The following UGT1A8 variants were observed in gnomAD, a reference collection of about 807,000 sequenced individuals.
The protein encoded by UGT1A8 is UDP-glucuronosyltransferase 1A8.
Under a neutral mutation model 45.3 loss-of-function variants are expected in UGT1A8, and 39 were observed. The observed-to-expected ratio is 0.86, with a 90% CI of 0.67 to 1.12. UGT1A8 has a LOEUF of 1.12. Ranked by LOEUF, UGT1A8 falls within the 50% of genes most tolerant of loss-of-function variation. The pLI is 0.00. For missense variants in UGT1A8, 719 were observed against 664.9 expected (o/e 1.08, Z -0.90); for synonymous variants, 275 against 249.2 (o/e 1.10, Z -0.97).
chr2:233,709,539 A>G (rs537926734), intron 1 of UGT1A8, among the ~76,000 whole-genome samples: 8 of 152,276 alleles, frequency 5.3e-5, no homozygotes, highest in Non-Finnish European at 5.9e-5. Flanking sequence ...CTACTGTGAT[A>G]TATGTAAGTA....
intron 1 of UGT1A8, chr2:233,748,124 G>C (rs1575688214): frequency 9.9e-6 from 16 of 1,610,630 alleles, no homozygotes; most frequent in Non-Finnish European, 1.3e-5. Flanking sequence ...AGGCAAAACA[G>C]TTTTTAAAAA....
rs542150234 is a variant in UGT1A8, at chr2:233,704,820, A to T, written c.856-62214A>T. ...ATTATATATATGTATATTGCTTTTT[A>T]GGATTGCTTTTAAAATCAGTTAAGA... On this transcript the variant is annotated intron_variant, in intron 1 of 4. Coordinates refer to ENST00000373450, the MANE Select transcript of UGT1A8 (RefSeq NM_019076.5). 2.6e-4 allele frequency among the ~76,000 whole-genome samples: 39 copies of T among 152,234 alleles called. 1 individual carries two copies. The South Asian group carries it at 8.1e-3, about 32-fold the overall frequency.
chr2:233,644,939 T>G (rs1040026267), intron 1 of UGT1A8, among the ~76,000 whole-genome samples: 6 of 152,162 alleles, frequency 3.9e-5, no homozygotes, highest in Non-Finnish European at 7.4e-5. Flanking sequence ...GACAATCCTT[T>G]ACATAGAAAA....
chr2:233,674,819 G>A (rs1305912278), intron 1 of UGT1A8, among the ~76,000 whole-genome samples: 1 of 152,158 alleles, frequency 6.6e-6, no homozygotes, highest in African/African-American at 2.4e-5. Context: ...AGGCTTTCCG[G>A]CAAAGAGCCT....
intron 1 of UGT1A8, among the ~76,000 whole-genome samples, chr2:233,619,970 A>G (rs894708286): frequency 5.9e-5 from 9 of 152,314 alleles, no homozygotes; most frequent in Middle Eastern, 3.4e-3. Context: ...ATACCAGAAT[A>G]AGATTCTTGG....
At position 233,768,344 on chromosome 2, in the gene UGT1A8, C is replaced by T. The variant is rs114941320; in HGVS notation, c.1200C>T (p.Arg400=). 1 of 1,614,076 alleles carries T rather than the reference C, an allele frequency of 6.2e-7. No individual in the cohort carries two copies. The highest frequency in any genetic ancestry group is 2.2e-5 in the East Asian group (1 of 44,874). The change falls in exon 4 of 5, where the codon CGC becomes CGT. Residue 400 remains arginine (R), a synonymous_variant. Coordinates refer to ENST00000373450, the MANE Select transcript of UGT1A8 (RefSeq NM_019076.5). ...GTGATCAGATGGACAATGCAAAGCG[C>T]ATGGAGACTAAGGGAGCTGGAGTGA... is the stretch of plus-strand genomic sequence containing the variant. ...LFGDQMDNAK[R]METKGAGVTL...
intron 1 of UGT1A8, among the ~76,000 whole-genome samples, chr2:233,670,819 T>G (rs755310957): frequency 1.3e-5 from 2 of 152,208 alleles, no homozygotes; most frequent in African/African-American, 2.4e-5. Flanking sequence ...AAAAGAACTT[T>G]GAAAGACCGT....
chr2:233,752,891 G>A (rs76026343), intron 1 of UGT1A8, among the ~76,000 whole-genome samples: 3,078 of 152,286 alleles, frequency 0.02, 63 homozygotes, highest in Non-Finnish European at 0.029. Context: ...ACTAGCCAGC[G>A]TTGTTACAGA....
chr2:233,663,221 G>T (rs1422032875), intron 1 of UGT1A8, among the ~76,000 whole-genome samples: 2 of 152,164 alleles, frequency 1.3e-5, no homozygotes, highest in Non-Finnish European at 2.9e-5. Flanking sequence ...TAACAAGACA[G>T]GGGAATTGCA....
chr2:233,699,949 G>C (rs932857494), intron 1 of UGT1A8, among the ~76,000 whole-genome samples: 2 of 152,234 alleles, frequency 1.3e-5, no homozygotes, highest in East Asian at 1.9e-4. Context: ...GTTGTACAAT[G>C]TGTGAAAAAT....
At chr2:233,673,506 C>T (rs1283717697) in intron 1 of UGT1A8, among the ~76,000 whole-genome samples, 1 of 152,044 alleles carries the variant, frequency 6.6e-6, no homozygotes, top group Non-Finnish European at 1.5e-5. Flanking sequence ...TGACTAGAGC[C>T]CTACATGTAG....
chr2:233,717,373 A>G (rs1210883580), intron 1 of UGT1A8, among the ~76,000 whole-genome samples: 1 of 152,192 alleles, frequency 6.6e-6, no homozygotes, highest in Admixed American at 6.5e-5. Context: ...TCAAGCCCTT[A>G]CAGACCTGCC....
intron 1 of UGT1A8, among the ~76,000 whole-genome samples, chr2:233,717,377 A>G (rs1267305224): frequency 6.6e-6 from 1 of 152,110 alleles, no homozygotes; most frequent in Admixed American, 6.5e-5. Flanking sequence ...GCCCTTACAG[A>G]CCTGCCCTCT....
At chr2:233,760,151 C>T (rs1697328839) in intron 1 of UGT1A8, 1 of 1,476,036 alleles carries the variant, frequency 6.8e-7, no homozygotes, top group South Asian at 1.3e-5. Flanking sequence ...AAGTGAACTC[C>T]CTGCTACCTT....
chr2:233,707,658 T>C (rs988714279), intron 1 of UGT1A8, among the ~76,000 whole-genome samples: 2 of 152,184 alleles, frequency 1.3e-5, no homozygotes, highest in South Asian at 4.1e-4. Context: ...ACCACAATTT[T>C]ATTTATCCAT....
chr2:233,763,565 C>A (rs1354806563), intron 1 of UGT1A8, among the ~76,000 whole-genome samples: 1 of 152,164 alleles, frequency 6.6e-6, no homozygotes, highest in Admixed American at 6.5e-5. Context: ...AGTTACTGTT[C>A]TTATTTTCTC....
rs200788361 is a variant in UGT1A8, at chr2:233,713,487, T to C, written c.856-53547T>C. ...CGCGGCGGTGCTGGCTAAGTACCTG[T>C]CGATTCCTGCTGTGTTTTTCTTGAG... On this transcript the variant is annotated intron_variant, in intron 1 of 4. Transcript: ENST00000373450. 2.0e-5 allele frequency: 33 copies of C among 1,614,038 alleles called. No homozygotes were observed. The East Asian group carries it at 7.1e-4, about 35-fold the overall frequency.
chr2:233,747,873 T>C, intron 1 of UGT1A8: 1 of 1,613,590 alleles, frequency 6.2e-7, no homozygotes, highest in Non-Finnish European at 8.5e-7. Context: ...TCTGGCCCTG[T>C]CCTACCTTTG....
chr2:233,715,021 C>T (rs12477216), intron 1 of UGT1A8, among the ~76,000 whole-genome samples: 15,421 of 152,076 alleles, frequency 0.1, 899 homozygotes, highest in East Asian at 0.2. Context: ...GAACTACAGG[C>T]GCATGGCACC....
Sources: allele counts gnomAD v4.1 joint callset (sites outside exome capture counted in the v4.1 genomes callset), GRCh38; gene constraint gnomAD v4.1.1; transcripts MANE v1.5; gene names NCBI Gene and HGNC (gene_info 2026-07-23, HGNC 2026-07-21).